ENOX2: variants seen among roughly 807,000 people sequenced by gnomAD.
ENOX2 encodes APK1 antigen.
A neutral mutation model predicts 45.0 loss-of-function variants in ENOX2; 36 were observed. The ratio of observed to expected loss-of-function variants is 0.80; its 90% CI spans 0.61 to 1.06. The LOEUF (loss-of-function observed/expected upper bound fraction) is 1.06, where lower values mean the gene tolerates loss of function less well. Among genes scored for constraint, ENOX2 ranks in the 50% least tolerant of loss-of-function variants. ENOX2 has a pLI of 0.00. For synonymous variants in ENOX2, 174 were observed against 152.3 expected, an observed-to-expected ratio of 1.14 and a Z score of -1.05; for missense variants, 423 against 462.5, an observed-to-expected ratio of 0.91 and a Z score of 0.78.
intron 2 of ENOX2, among the ~76,000 whole-genome samples, chrX:130,815,225 C>T (rs1356416566): frequency 9.0e-6 from 1 of 111,731 alleles, no homozygotes; most frequent in Non-Finnish European, 1.9e-5. Context: ...ATGAATAAAG[C>T]TTCCAAGAAA....
intron 13 of ENOX2, among the ~76,000 whole-genome samples, chrX:130,630,411 G>A (rs1185011991): frequency 9.0e-6 from 1 of 110,960 alleles, no homozygotes; most frequent in East Asian, 2.8e-4. Flanking sequence ...TGATTAGAGG[G>A]AGGAGAGAGT....
chrX:130,781,677 T>C (rs1389391180), intron 3 of ENOX2, among the ~76,000 whole-genome samples: 1 of 112,019 alleles, frequency 8.9e-6, no homozygotes, highest in African/African-American at 3.2e-5. Flanking sequence ...TTAAAGTTGA[T>C]GCCCTAAATT....
At chrX:130,649,987 C>T (rs1324260857) in intron 10 of ENOX2, among the ~76,000 whole-genome samples, 1 of 112,682 alleles carries the variant, frequency 8.9e-6, no homozygotes, top group East Asian at 2.8e-4. Context: ...ACAGGTTACT[C>T]TGTAAATCAA....
rs2035456431 is a variant in ENOX2, at chrX:130,622,679, T to A, written c.*2635A>T. ...CAGAACCATAAATAGCACTGAGACT[T>A]TGTAGGAAAAAGCAGCTTCATTAAT... On this transcript the variant is annotated 3_prime_UTR_variant, in exon 15 of 15. Coordinates refer to ENST00000394363, the MANE Select transcript of ENOX2 (RefSeq NM_006375.4). 8.9e-6 allele frequency among the ~76,000 whole-genome samples: 1 copy of A among 111,863 alleles called. No individual in the cohort carries two copies.
At chrX:130,901,535 C>A (rs759423633) in intron 2 of ENOX2, 149 bp downstream of exon 2, 1 of 112,228 alleles carries the variant, frequency 8.9e-6, no homozygotes, top group Non-Finnish European at 1.9e-5. Flanking sequence ...ATGTGATGCA[C>A]GGGGACAGCA....
intron 10 of ENOX2, among the ~76,000 whole-genome samples, chrX:130,652,121 C>T (rs1323121827): frequency 8.9e-6 from 1 of 112,045 alleles, no homozygotes; most frequent in African/African-American, 3.2e-5. Context: ...ATTCTGGCCC[C>T]TACCTCTATC....
At chrX:130,683,999 A>C (rs955766792) in intron 5 of ENOX2, among the ~76,000 whole-genome samples, 6 of 111,990 alleles carry the variant, frequency 5.4e-5, no homozygotes, top group African/African-American at 2.0e-4. Context: ...ATGGCTATTT[A>C]GTGGTGGAGA....
Position 130,902,181 on chromosome X carries a change from T to C in ENOX2, c.-230-450A>G, listed in dbSNP as rs187342070. On this transcript the variant is annotated intron_variant, in intron 1 of 14. Coordinates refer to ENST00000394363, the MANE Select transcript of ENOX2 (RefSeq NM_006375.4). ...TCTTAGCGTTTTTTGCACACGTTTG[T>C]AATAATACAATGATTAATATGGTCT... Among the ~76,000 whole-genome samples, 35 of 111,760 alleles carry C rather than the reference T, an allele frequency of 3.1e-4. 1 individual carries two copies. In the East Asian group the frequency reaches 9.3e-3, roughly 30 times the overall value.
chrX:130,893,525 A>T (rs2079014145), intron 2 of ENOX2, among the ~76,000 whole-genome samples: 1 of 112,304 alleles, frequency 8.9e-6, no homozygotes, highest in Admixed American at 9.4e-5. Flanking sequence ...AAGTACAAAG[A>T]TTAGAAAGGT....
chrX:130,634,480 A>AT (rs1199391158), intron 12 of ENOX2, among the ~76,000 whole-genome samples: 1 of 110,849 alleles, frequency 9.0e-6, no homozygotes, highest in East Asian at 2.8e-4. Context: ...ACTGTGTCTC[A>AT]TTTTTTTTCC....
chrX:130,750,527 C>T (rs1267524047), intron 3 of ENOX2, among the ~76,000 whole-genome samples: 2 of 110,956 alleles, frequency 1.8e-5, no homozygotes, highest in African/African-American at 6.6e-5. Context: ...TTTTTTCTCT[C>T]ACCCTCTTCC....
intron 3 of ENOX2, among the ~76,000 whole-genome samples, chrX:130,717,181 T>C (rs763029034): frequency 8.9e-6 from 1 of 112,300 alleles, no homozygotes; most frequent in Non-Finnish European, 1.9e-5. Context: ...CCTGACAGCC[T>C]GTGCTTACAG....
chrX:130,766,275 T>A (rs2039615859), intron 3 of ENOX2, among the ~76,000 whole-genome samples: 1 of 111,908 alleles, frequency 8.9e-6, no homozygotes, highest in Non-Finnish European at 1.9e-5. Context: ...TCTGTTCATG[T>A]CCTTTGTCCA....
At chrX:130,680,216 G>A (rs926916896) in intron 5 of ENOX2, among the ~76,000 whole-genome samples, 1 of 111,920 alleles carries the variant, frequency 8.9e-6, no homozygotes, top group Non-Finnish European at 1.9e-5. Flanking sequence ...AACAGATTCA[G>A]GATTAATTTG....
chrX:130,742,043 A>G (rs1176565088), intron 3 of ENOX2, among the ~76,000 whole-genome samples: 2 of 111,265 alleles, frequency 1.8e-5, no homozygotes, highest in East Asian at 5.6e-4. Context: ...GGCCACATGT[A>G]CCATTTTTCT....
chrX:130,818,265 G>A (rs2077524957), intron 2 of ENOX2, among the ~76,000 whole-genome samples: 1 of 111,636 alleles, frequency 9.0e-6, no homozygotes, highest in Non-Finnish European at 1.9e-5. Flanking sequence ...TAAAGAAATG[G>A]AAAAACATCC....
intron 6 of ENOX2, among the ~76,000 whole-genome samples, chrX:130,670,851 T>C (rs1312898626): frequency 9.0e-6 from 1 of 110,575 alleles, no homozygotes; most frequent in African/African-American, 3.3e-5. Flanking sequence ...GAAAACCTGA[T>C]TCAACTCCAT....
At chrX:130,817,611 A>G (rs1231818905) in intron 2 of ENOX2, among the ~76,000 whole-genome samples, 1 of 112,347 alleles carries the variant, frequency 8.9e-6, no homozygotes, top group Non-Finnish European at 1.9e-5. Context: ...AGGCTGATTC[A>G]ATACACGCAA....
intron 6 of ENOX2, among the ~76,000 whole-genome samples, chrX:130,672,568 C>T (rs915248964): frequency 1.8e-5 from 2 of 112,653 alleles, no homozygotes; most frequent in Admixed American, 9.3e-5. Flanking sequence ...AGGCAGAGTC[C>T]CTCCCCGTCT....
Sources: allele counts gnomAD v4.1 joint callset (sites outside exome capture counted in the v4.1 genomes callset), GRCh38; gene constraint gnomAD v4.1.1; transcripts MANE v1.5; gene names NCBI Gene and HGNC (gene_info 2026-07-23, HGNC 2026-07-21).